DTWD2: variants seen among roughly 807,000 people sequenced by gnomAD.
DTWD2 encodes the protein tRNA-uridine aminocarboxypropyltransferase 2.
DTWD2 carries 39 observed loss-of-function variants against 31.8 expected under a neutral mutation model. The observed-to-expected ratio is 1.22, with a 90% CI of 0.95 to 1.60. The LOEUF is 1.60. Among genes scored for constraint, DTWD2 ranks in the 40% most tolerant of loss-of-function variants. The probability of loss-of-function intolerance (pLI) is 0.00; values close to 1 mark genes in which losing one functional copy is unlikely to be tolerated. For missense variants in DTWD2, 515 were observed against 381.5 expected, an observed-to-expected ratio of 1.35 and a Z score of -2.92; for synonymous variants, 180 against 142.8, an observed-to-expected ratio of 1.26 and a Z score of -1.86.
intron 1 of DTWD2, among the ~76,000 whole-genome samples, chr5:118,959,237 A>T (rs1754656063): frequency 6.6e-6 from 1 of 152,178 alleles, no homozygotes; most frequent in African/African-American, 2.4e-5. Context: ...CTAATAAACA[A>T]CTTCAGCAAA....
At chr5:118,855,382 C>G (rs1449954484) in intron 4 of DTWD2, among the ~76,000 whole-genome samples, 1 of 151,230 alleles carries the variant, frequency 6.6e-6, no homozygotes, top group African/African-American at 2.4e-5. Flanking sequence ...TTAAAATTAA[C>G]TTTTACTTAA....
chr5:118,953,438 C>T (rs975926454), intron 1 of DTWD2, among the ~76,000 whole-genome samples: 1 of 152,294 alleles, frequency 6.6e-6, no homozygotes, highest in East Asian at 1.9e-4. Flanking sequence ...CAAAACCCTT[C>T]CCCCTGCATG....
intron 1 of DTWD2, among the ~76,000 whole-genome samples, chr5:118,956,147 C>T (rs2149590979): frequency 6.6e-6 from 1 of 152,312 alleles, no homozygotes; most frequent in African/African-American, 2.4e-5. Flanking sequence ...TACTGCATTA[C>T]AGGCAAACAT....
At chr5:118,882,508 C>T (rs1020754964) in intron 4 of DTWD2, among the ~76,000 whole-genome samples, 2 of 152,238 alleles carry the variant, frequency 1.3e-5, no homozygotes, top group Non-Finnish European at 2.9e-5. Context: ...CCACATTTCC[C>T]TTCTGCACTG....
chr5:118,910,787 G>T (rs1036828560), intron 4 of DTWD2, among the ~76,000 whole-genome samples: 1 of 152,142 alleles, frequency 6.6e-6, no homozygotes, highest in Non-Finnish European at 1.5e-5. Flanking sequence ...CACAGTTCGG[G>T]AGCAGAGTCT....
chr5:118,956,262 C>T (rs1250414680), intron 1 of DTWD2, among the ~76,000 whole-genome samples: 1 of 152,192 alleles, frequency 6.6e-6, no homozygotes, highest in African/African-American at 2.4e-5. Context: ...TTTTTCCGCT[C>T]ATCGGGGTTT....
chr5:118,839,482 G>C lies in DTWD2; in HGVS notation c.*1435C>G, dbSNP rs1751656935. The C allele has an allele frequency of 6.6e-6, 1 of 151,912 alleles. No homozygotes were observed. Among genetic ancestry groups the C allele is most frequent in the African/African-American group, 2.4e-5 (1 of 41,344 alleles). The allele number at this position is 151,912 out of a possible 1,614,324, so 9.4% of individuals were successfully genotyped here. A position where few individuals can be genotyped will look rare whatever the true frequency, so the allele number is the denominator to read the frequency against. ...CGATCCTCCCACCTTAGCCTCCCAA[G>C]TAGCTAGGACTACAAGTGCACACCA... On this transcript the variant is annotated 3_prime_UTR_variant, in exon 6 of 6. Coordinates refer to ENST00000510708, the MANE Select transcript of DTWD2 (RefSeq NM_173666.4).
intron 1 of DTWD2, among the ~76,000 whole-genome samples, chr5:118,987,776 A>G (rs1755460833): frequency 6.6e-6 from 1 of 152,172 alleles, no homozygotes; most frequent in Non-Finnish European, 1.5e-5. Flanking sequence ...TATAGATGAT[A>G]ATTTACCATG....
intron 1 of DTWD2, among the ~76,000 whole-genome samples, chr5:118,956,088 C>T (rs550742984): frequency 2.4e-4 from 37 of 152,038 alleles, no homozygotes; most frequent in African/African-American, 7.5e-4. Flanking sequence ...AATTTCCTTC[C>T]GAACAAAACT....
At chr5:118,944,677 G>T in intron 1 of DTWD2, 28 bp from the exon 2 acceptor site, 1 of 1,597,378 alleles carries the variant, frequency 6.3e-7, no homozygotes, top group Non-Finnish European at 8.5e-7. Context: ...AAATAAAACT[G>T]GTAAATTTTA....
intron 4 of DTWD2, among the ~76,000 whole-genome samples, chr5:118,869,732 CTT>C (rs1462320264): frequency 1.3e-5 from 2 of 152,132 alleles, no homozygotes; most frequent in African/African-American, 2.4e-5. Context: ...GTTATGGTAA[CTT>C]ATAGTTTCTA....
intron 4 of DTWD2, among the ~76,000 whole-genome samples, chr5:118,850,309 C>CAAAAAA (rs74980941): frequency 1.6e-5 from 1 of 63,096 alleles, no homozygotes; most frequent in Non-Finnish European, 3.4e-5. Flanking sequence ...ACCAAAAATA[C>CAAAAAA]AAAAAAAAAA....
chr5:118,912,654 A>T (rs987604593), intron 4 of DTWD2, among the ~76,000 whole-genome samples: 1 of 133,846 alleles, frequency 7.5e-6, no homozygotes, highest in Admixed American at 6.7e-5. Flanking sequence ...CTCCTCTGAC[A>T]GGGCCTTCTC....
chr5:118,970,359 G>A (rs1754956335), intron 1 of DTWD2, among the ~76,000 whole-genome samples: 1 of 152,194 alleles, frequency 6.6e-6, no homozygotes, highest in Non-Finnish European at 1.5e-5. Context: ...CCCGGGAGGT[G>A]GAGATTGCAG....
chr5:118,857,755 C>T (rs1160940635), intron 4 of DTWD2, among the ~76,000 whole-genome samples: 1 of 152,166 alleles, frequency 6.6e-6, no homozygotes, highest in African/African-American at 2.4e-5. Context: ...TGGGCATGTG[C>T]CTGTTCCCAC....
intron 1 of DTWD2, among the ~76,000 whole-genome samples, chr5:118,976,728 C>G (rs538063770): frequency 6.6e-6 from 1 of 151,928 alleles, no homozygotes; most frequent in East Asian, 1.9e-4. Flanking sequence ...AGCTCAGAAC[C>G]AGATTCACAG....
intron 4 of DTWD2, among the ~76,000 whole-genome samples, chr5:118,890,720 G>A (rs1227837945): frequency 8.6e-5 from 13 of 151,890 alleles, no homozygotes; most frequent in African/African-American, 2.9e-4. Context: ...ACAGGCGCAC[G>A]CCACCACACC....
intron 4 of DTWD2, among the ~76,000 whole-genome samples, chr5:118,902,061 T>C (rs1753222415): frequency 6.6e-6 from 1 of 152,224 alleles, no homozygotes; most frequent in African/African-American, 2.4e-5. Context: ...ATAATGTGTC[T>C]ATATAATCAC....
chr5:118,850,512 T>G (rs562407252), intron 4 of DTWD2, among the ~76,000 whole-genome samples: 3,480 of 102,092 alleles, frequency 0.034, 84 homozygotes, highest in Non-Finnish European at 0.054. Flanking sequence ...AAAAAAAAAT[T>G]AATTCAAGAT....
Sources: gnomAD v4.1 joint callset for allele counts (sites outside exome capture counted in the v4.1 genomes callset) on GRCh38, gnomAD v4.1.1 for gene constraint, MANE v1.5 for transcripts, NCBI Gene and HGNC (gene_info 2026-07-23, HGNC 2026-07-21) for gene names.